Variants in DDC observed in about 807,000 individuals in gnomAD.
The protein encoded by DDC is dopa decarboxylase.
Under a neutral mutation model 60.0 loss-of-function variants are expected in DDC, and 43 were observed. That is an observed-to-expected ratio of 0.72 (90% CI 0.56 to 0.92). The LOEUF (loss-of-function observed/expected upper bound fraction) is 0.92, where lower values mean the gene tolerates loss of function less well. Ranked by LOEUF, DDC falls within the 40% of genes least tolerant of loss-of-function variation. DDC has a pLI of 0.00. For synonymous variants in DDC, 232 were observed against 234.6 expected (o/e 0.99, Z 0.10); for missense variants, 573 against 620.2 (o/e 0.92, Z 0.81).
chr7:50,513,082 C>T (rs769492011), intron 6 of DDC, among the ~76,000 whole-genome samples: 83 of 152,140 alleles, frequency 5.5e-4, no homozygotes, highest in Non-Finnish European at 9.6e-4. Context: ...CCAGCAATCC[C>T]GAGAGGACCC....
At chr7:50,560,161 G>T (rs561586266) in intron 1 of DDC, among the ~76,000 whole-genome samples, 2 of 152,274 alleles carry the variant, frequency 1.3e-5, no homozygotes, top group South Asian at 4.1e-4. Flanking sequence ...TTTTTCTCTG[G>T]CACCCTTGAC....
chr7:50,514,917 G>C (rs1209712682), intron 6 of DDC, among the ~76,000 whole-genome samples: 1 of 152,192 alleles, frequency 6.6e-6, no homozygotes, highest in Admixed American at 6.5e-5. Flanking sequence ...CAAGAAGTCT[G>C]GGATTATGTT....
intron 6 of DDC, among the ~76,000 whole-genome samples, chr7:50,511,708 G>A (rs539599253): frequency 4.2e-4 from 64 of 152,032 alleles, no homozygotes; most frequent in African/African-American, 1.4e-3. Context: ...CAGCCTGGGC[G>A]ACAGAGCGAG....
chr7:50,470,291 T>G, intron 11 of DDC, 120 bp from the exon 12 acceptor site: 1 of 759,990 alleles, frequency 1.3e-6, no homozygotes. Context: ...GCCAACCTGC[T>G]CCCATTGCCA....
chr7:50,520,730 A>G (rs1284103972), intron 6 of DDC, among the ~76,000 whole-genome samples: 1 of 152,182 alleles, frequency 6.6e-6, no homozygotes, highest in Non-Finnish European at 1.5e-5. Flanking sequence ...CCTGACCAAC[A>G]TGGTGAAATC....
At chr7:50,468,119 G>T (rs2042439958) in intron 12 of DDC, among the ~76,000 whole-genome samples, 1 of 152,256 alleles carries the variant, frequency 6.6e-6, no homozygotes, top group African/African-American at 2.4e-5. Flanking sequence ...TGCTGGGGAG[G>T]ACCTGCGGAA....
At chr7:50,476,072 T>C (rs80034498) in intron 11 of DDC, among the ~76,000 whole-genome samples, 297 of 152,134 alleles carry the variant, frequency 2.0e-3, no homozygotes, top group African/African-American at 6.7e-3. Context: ...CCCCCTTGGG[T>C]TCTATTCTTT....
chr7:50,495,537 C>T, intron 8 of DDC, 120 bp from the exon 9 acceptor site: 2 of 814,978 alleles, frequency 2.5e-6, no homozygotes, highest in Non-Finnish European at 4.1e-6. Context: ...TGGTAGGGGC[C>T]AGGTAGGGTT....
intron 14 of DDC, among the ~76,000 whole-genome samples, chr7:50,462,255 A>T (rs558074521): frequency 6.6e-6 from 1 of 150,590 alleles, no homozygotes; most frequent in East Asian, 1.9e-4. Context: ...AAAAGAAAAT[A>T]AACAGAAAAA....
intron 1 of DDC, among the ~76,000 whole-genome samples, chr7:50,552,189 C>T (rs1026330071): frequency 6.6e-6 from 1 of 152,200 alleles, no homozygotes; most frequent in African/African-American, 2.4e-5. Flanking sequence ...TAGCATGAAG[C>T]CACAGAGAAT....
At chr7:50,508,286 G>T (rs1365771517) in intron 6 of DDC, among the ~76,000 whole-genome samples, 1 of 152,204 alleles carries the variant, frequency 6.6e-6, no homozygotes, top group Non-Finnish European at 1.5e-5. Flanking sequence ...ATTGCTCAAT[G>T]ACGCTAACCT....
At chr7:50,541,343 CA>C (rs2044623122) in intron 2 of DDC, 1 of 152,456 alleles carries the variant, frequency 6.6e-6, no homozygotes, top group East Asian at 1.9e-4. Flanking sequence ...ATGCTTCCTC[CA>C]GGTCTGGCTC....
At chr7:50,484,081 T>G (rs2042829869) in intron 9 of DDC, among the ~76,000 whole-genome samples, 1 of 152,236 alleles carries the variant, frequency 6.6e-6, no homozygotes, top group Non-Finnish European at 1.5e-5. Context: ...TGGCATGATG[T>G]TACTCATAAT....
chr7:50,525,663 C>G (rs1585231187), intron 6 of DDC, among the ~76,000 whole-genome samples: 2 of 152,066 alleles, frequency 1.3e-5, no homozygotes, highest in Admixed American at 6.5e-5. Context: ...ACTTGGGAGG[C>G]TGAGGTAGGA....
At chr7:50,517,267 T>C (rs535036669) in intron 6 of DDC, among the ~76,000 whole-genome samples, 1 of 152,192 alleles carries the variant, frequency 6.6e-6, no homozygotes, top group South Asian at 2.1e-4. Context: ...TGGTTTAATG[T>C]ATACAAGTAA....
chr7:50,511,046 T>A (rs2043556351), intron 6 of DDC, among the ~76,000 whole-genome samples: 1 of 70,890 alleles, frequency 1.4e-5, no homozygotes, highest in Admixed American at 1.3e-4. Context: ...TATTAGGATA[T>A]ATCTATACAC....
chr7:50,495,350 C>T lies in DDC; in HGVS notation c.944G>A (p.Trp315Ter). 1 of 1,611,788 alleles carries T rather than the reference C, an allele frequency of 6.2e-7. No individual in the cohort carries two copies. The change falls in exon 9 of 15, where the codon TGG becomes TAG. Residue 315 changes from tryptophan (W) to a stop codon, truncating the protein, a stop_gained and splice_region_variant. Transcript: ENST00000444124. LOFTEE classifies it high-confidence loss of function. The stretch of plus-strand genomic sequence containing the variant: ...GACATCTGTGAGCAGGGAAACTTAC[C>T]ACATGGCAGAACAGTCAAAATTCAC... ...LLVNFDCSAMWVKKRTDLTGA... is the reference protein window; with the variant it reads ...LLVNFDCSAM
At chr7:50,461,826 A>C (rs557348990) in intron 14 of DDC, among the ~76,000 whole-genome samples, 1 of 152,308 alleles carries the variant, frequency 6.6e-6, no homozygotes, top group East Asian at 1.9e-4. Context: ...CTGGGTCAGC[A>C]GTTCTTCCTC....
Position 50,537,870 on chromosome 7 carries a change from C to T in DDC, c.425G>A (p.Gly142Glu). ...CAGCTCCCACCTTACCTGGATCACT[C>T]CTCCCCCTTCTCCAGCTTTCTCATT... ...FLNEKAGEGG[G>E]VIQGSASEAT... Residue 142 changes from glycine (G) to glutamate (E), a missense_variant, in exon 4 of 15, where the codon GGA becomes GAA. Transcript: ENST00000444124. The T allele has an allele frequency of 6.2e-7, 1 of 1,614,206 alleles. No individual in the cohort carries two copies.
Sources: gnomAD v4.1 joint callset for allele counts (sites outside exome capture counted in the v4.1 genomes callset) on GRCh38, gnomAD v4.1.1 for gene constraint, MANE v1.5 for transcripts, NCBI Gene and HGNC (gene_info 2026-07-23, HGNC 2026-07-21) for gene names.